The following PCDHA13 variants were observed in gnomAD, a reference collection of about 807,000 sequenced individuals.
PCDHA13 encodes protocadherin alpha 13.
In PCDHA13, 54 loss-of-function variants were observed where a neutral mutation model predicts 64.8. That is an observed-to-expected ratio of 0.83 (90% CI 0.67 to 1.04). PCDHA13 has a LOEUF of 1.04. Among genes scored for constraint, PCDHA13 ranks in the 50% least tolerant of loss-of-function variants. The pLI, the probability that PCDHA13 is intolerant of heterozygous loss-of-function variation, is 0.00. For synonymous variants in PCDHA13, 587 were observed against 564.4 expected (o/e 1.04, Z -0.57); for missense variants, 1,248 against 1,254.3 (o/e 0.99, Z 0.08).
chr5:140,948,670 A>G (rs951520840), intron 1 of PCDHA13, among the ~76,000 whole-genome samples: 1 of 151,654 alleles, frequency 6.6e-6, no homozygotes. Context: ...TAGTGATAAC[A>G]TCTTTTTCAT....
At chr5:140,968,166 C>G (rs782037307) in intron 1 of PCDHA13, 1 of 1,614,004 alleles carries the variant, frequency 6.2e-7, no homozygotes, top group Non-Finnish European at 8.5e-7. Flanking sequence ...GACAATCCAC[C>G]AAGCTTCCTG....
At chr5:140,943,547 C>T (rs1376489824) in intron 1 of PCDHA13, among the ~76,000 whole-genome samples, 20 of 152,104 alleles carry the variant, frequency 1.3e-4, no homozygotes, top group African/African-American at 4.6e-4. Context: ...TGTAAATAGA[C>T]GTAGACAATA....
chr5:140,933,704 T>C (rs1436562602), intron 1 of PCDHA13, among the ~76,000 whole-genome samples: 1 of 152,084 alleles, frequency 6.6e-6, no homozygotes, highest in African/African-American at 2.4e-5. Flanking sequence ...CGGACACATT[T>C]ACTGAGATTG....
chr5:140,899,267 G>C lies in PCDHA13; in HGVS notation c.2394+14605G>C, dbSNP rs1397421903. Among the ~76,000 whole-genome samples, 367 of 152,064 alleles carry C rather than the reference G, an allele frequency of 2.4e-3. 2 individuals carry two copies. The highest frequency in any genetic ancestry group is 8.5e-3 in the African/African-American group (354 of 41,454). On this transcript the variant is annotated intron_variant, in intron 1 of 3. Coordinates refer to ENST00000289272, the MANE Select transcript of PCDHA13 (RefSeq NM_018904.3). ...TGAGAGAGGGCATCCCTGTCTTGTGGCAGTTTTCAAAGGGAATACTTCCAG... is the reference window on the plus strand; with the variant it reads ...TGAGAGAGGGCATCCCTGTCTTGTGCCAGTTTTCAAAGGGAATACTTCCAG...
intron 1 of PCDHA13, among the ~76,000 whole-genome samples, chr5:140,941,221 TTC>T (rs1217645089): frequency 7.6e-6 from 1 of 131,640 alleles, no homozygotes; most frequent in African/African-American, 3.0e-5. Flanking sequence ...CTTCCTTTCT[TTC>T]TTTCTTTCTT....
chr5:140,909,010 G>C (rs2074261521), intron 1 of PCDHA13, among the ~76,000 whole-genome samples: 1 of 152,120 alleles, frequency 6.6e-6, no homozygotes, highest in South Asian at 2.1e-4. Flanking sequence ...GAGGTAGAAG[G>C]TTCCTGAATT....
chr5:140,883,330 T>G lies in PCDHA13; in HGVS notation c.1062T>G (p.Ser354=). The G allele has an allele frequency of 1.9e-6, 3 of 1,614,182 alleles. No individual in the cohort carries two copies. Among genetic ancestry groups the G allele is most frequent in the Middle Eastern group, 1.6e-4 (1 of 6,062 alleles). ...NDNAPEVTIT[S]LSLPIREDTQ... is the part of the protein sequence containing the mutation. ...ACGCCCCAGAGGTTACCATCACTTCTTTGTCACTCCCCATCAGAGAAGACA... is the reference window on the plus strand; with the variant it reads ...ACGCCCCAGAGGTTACCATCACTTCGTTGTCACTCCCCATCAGAGAAGACA... The change falls in exon 1 of 4, where the codon TCT becomes TCG. Residue 354 remains serine, a synonymous_variant. Coordinates refer to ENST00000289272, the MANE Select transcript of PCDHA13 (RefSeq NM_018904.3).
chr5:140,985,930 G>A (rs577670490), intron 3 of PCDHA13, among the ~76,000 whole-genome samples: 1 of 151,914 alleles, frequency 6.6e-6, no homozygotes, highest in East Asian at 1.9e-4. Flanking sequence ...TAGTAGAGCC[G>A]GGGTTTCACT....
At chr5:140,885,349 AG>A (rs2060568168) in intron 1 of PCDHA13, among the ~76,000 whole-genome samples, 1 of 152,206 alleles carries the variant, frequency 6.6e-6, no homozygotes, top group African/African-American at 2.4e-5. Context: ...GATTTCCAAA[AG>A]GTACTGGTGA....
chr5:140,928,050 G>A (rs782229340), intron 1 of PCDHA13: 3 of 1,614,180 alleles, frequency 1.9e-6, no homozygotes, highest in Non-Finnish European at 2.5e-6. Flanking sequence ...GCCCTTTTCA[G>A]CTGACGGCTT....
chr5:140,949,961 G>A lies in PCDHA13; in HGVS notation c.2395-28988G>A, dbSNP rs373865946. ...TTGCATTTTTTAGTGGTTGCTGTAA[G>A]GATTACAGCATACATACTTAACTTT... On this transcript the variant is annotated intron_variant, in intron 1 of 3. Transcript: ENST00000289272. Among the ~76,000 whole-genome samples, 68 of 151,658 alleles carry A rather than the reference G, an allele frequency of 4.5e-4. 1 individual carries two copies. The East Asian group carries it at 0.012, about 28-fold the overall frequency.
intron 1 of PCDHA13, chr5:140,926,672 C>T (rs2083457109): frequency 1.7e-6 from 1 of 583,596 alleles, no homozygotes; most frequent in Admixed American, 3.9e-5. Flanking sequence ...GACGGCTGCC[C>T]AGCCTCCAGC....
At chr5:140,993,673 TG>T (rs2097577380) in intron 3 of PCDHA13, among the ~76,000 whole-genome samples, 1 of 152,322 alleles carries the variant, frequency 6.6e-6, no homozygotes, top group East Asian at 1.9e-4. Context: ...GGACCACATA[TG>T]TGACAGCTGT....
intron 1 of PCDHA13, among the ~76,000 whole-genome samples, chr5:140,937,820 G>T (rs554138611): frequency 2.6e-5 from 4 of 151,792 alleles, no homozygotes; most frequent in African/African-American, 9.7e-5. Flanking sequence ...GCTGAGGCAG[G>T]AGAATGGCAT....
rs1185324508 is a variant in PCDHA13 at position 140,882,139 on chromosome 5, A to G, written c.-130A>G. 6.0e-6 allele frequency: 9 copies of G among 1,489,890 alleles called. No homozygotes were observed. Among genetic ancestry groups the G allele is most frequent in the South Asian group, 4.2e-5 (3 of 71,604 alleles). The allele number at this position is 1,489,890 out of a possible 1,614,324, so 92.3% of individuals were successfully genotyped here. A position where few individuals can be genotyped will look rare whatever the true frequency, so the allele number is the denominator to read the frequency against. Reference sequence around the variant, plus strand: ...CCGTTTCTTTCTTCCTGCAGAAAATATAGCAGAAAGCGGAATACCTCTTGC... The same window carrying G: ...CCGTTTCTTTCTTCCTGCAGAAAATGTAGCAGAAAGCGGAATACCTCTTGC... On this transcript the variant is annotated 5_prime_UTR_variant, in exon 1 of 4. It adds an upstream start codon to the 5' untranslated region. Transcript: ENST00000289272.
chr5:140,965,174 CT>C (rs1213439654), intron 1 of PCDHA13, among the ~76,000 whole-genome samples: 1 of 152,110 alleles, frequency 6.6e-6, no homozygotes, highest in East Asian at 1.9e-4. Context: ...TTAGTGAGTG[CT>C]TTTTTTGCAC....
intron 1 of PCDHA13, among the ~76,000 whole-genome samples, chr5:140,939,849 G>A (rs1554212970): frequency 6.6e-6 from 1 of 152,134 alleles, no homozygotes; most frequent in Non-Finnish European, 1.5e-5. Context: ...GTTGTGTTCT[G>A]TATATGTCCA....
intron 1 of PCDHA13, chr5:140,968,403 T>C (rs1554230673): frequency 6.2e-7 from 1 of 1,613,984 alleles, no homozygotes; most frequent in Non-Finnish European, 8.5e-7. Context: ...CGGGAGTTCT[T>C]TGTGACTGTG....
chr5:140,958,872 G>T (rs993434831), intron 1 of PCDHA13, among the ~76,000 whole-genome samples: 1 of 151,970 alleles, frequency 6.6e-6, no homozygotes, highest in Non-Finnish European at 1.5e-5. Context: ...GTTTATAAAA[G>T]AATTGACCAG....
Sources: gnomAD v4.1 joint callset for allele counts (sites outside exome capture counted in the v4.1 genomes callset) on GRCh38, gnomAD v4.1.1 for gene constraint, MANE v1.5 for transcripts, NCBI Gene and HGNC (gene_info 2026-07-23, HGNC 2026-07-21) for gene names.